GPC6: variants seen among roughly 807,000 people sequenced by gnomAD.
The protein encoded by GPC6 is glypican-6.
In GPC6, 14 loss-of-function variants were observed where a neutral mutation model predicts 55.2. The observed-to-expected ratio is 0.25, with a 90% CI of 0.17 to 0.40. The LOEUF is 0.40. GPC6 is among the 10% of genes least tolerant of loss of function. The pLI, the probability that GPC6 is intolerant of heterozygous loss-of-function variation, is 1.00. For synonymous variants in GPC6, 278 were observed against 259.6 expected, an observed-to-expected ratio of 1.07 and a Z score of -0.68; for missense variants, 641 against 708.5, an observed-to-expected ratio of 0.90 and a Z score of 1.08.
chr13:93,800,586 A>C (rs1281043109), intron 2 of GPC6, among the ~76,000 whole-genome samples: 4 of 152,196 alleles, frequency 2.6e-5, no homozygotes, highest in Non-Finnish European at 5.9e-5. Flanking sequence ...TAGCGCAAAC[A>C]TAAACAGGTT....
At chr13:93,423,391 A>G (rs1877000201) in intron 1 of GPC6, among the ~76,000 whole-genome samples, 1 of 152,328 alleles carries the variant, frequency 6.6e-6, no homozygotes, top group East Asian at 1.9e-4. Context: ...GTCCCTGAAT[A>G]TTGAGTAATA....
At chr13:93,372,484 CA>C (rs1874707595) in intron 1 of GPC6, among the ~76,000 whole-genome samples, 1 of 152,150 alleles carries the variant, frequency 6.6e-6, no homozygotes, top group Admixed American at 6.5e-5. Flanking sequence ...GGTTGTAATT[CA>C]CTGCCATCTA....
At chr13:93,770,550 C>G (rs1407699362) in intron 2 of GPC6, among the ~76,000 whole-genome samples, 3 of 152,138 alleles carry the variant, frequency 2.0e-5, no homozygotes, top group Admixed American at 6.6e-5. Context: ...CTTTCTCTCT[C>G]TGACTCAAAG....
intron 3 of GPC6, among the ~76,000 whole-genome samples, chr13:93,883,074 A>C (rs1260999789): frequency 1.3e-5 from 2 of 151,078 alleles, no homozygotes; most frequent in Admixed American, 6.6e-5. Context: ...AATTTTGTAA[A>C]ATTCCCAATC....
rs574131434 is a variant in GPC6, at chr13:93,227,434, G to T, written c.-23G>T. 1.6e-5 allele frequency: 26 copies of T among 1,612,796 alleles called. No homozygotes were observed. In the South Asian group the frequency reaches 2.9e-4, roughly 18 times the overall value. ...GAGCGCACCGGCCGTGGGGTTTACC[G>T]AGCTGGATTTGTATGTTGCACCATG... On this transcript the variant is annotated 5_prime_UTR_variant, in exon 1 of 9. Transcript: ENST00000377047. This position sits in a 1 kb window ranked among gnomAD's most constrained non-coding sequence, Gnocchi z 4.3.
intron 2 of GPC6, among the ~76,000 whole-genome samples, chr13:93,758,374 G>A (rs1884848403): frequency 6.6e-6 from 1 of 152,036 alleles, no homozygotes; most frequent in Non-Finnish European, 1.5e-5. Flanking sequence ...AATGTATCCA[G>A]GTTTATTTCT....
Position 94,406,627 on chromosome 13 carries a change from T to C in GPC6, c.*3410T>C, listed in dbSNP as rs914188867. ...TAAAGCAAACACATTGAAAATATTA[T>C]TACAGGCAGAACCCTGATTTTTAAT... On this transcript the variant is annotated 3_prime_UTR_variant, in exon 9 of 9. Transcript: ENST00000377047. The C allele has an allele frequency of 1.3e-5, 2 of 152,178 alleles. No individual in the cohort carries two copies. The highest frequency in any genetic ancestry group is 4.8e-5 in the African/African-American group (2 of 41,466). 9.4% of individuals were successfully genotyped at this position (152,178 alleles called of 1,614,324 possible).
At chr13:93,340,026 CTTTTTTTTTTT>C (rs10714044) in intron 1 of GPC6, among the ~76,000 whole-genome samples, 16 of 81,618 alleles carry the variant, frequency 2.0e-4, no homozygotes, top group South Asian at 4.5e-4. Flanking sequence ...AGTTTTCTTT[CTTTTTTTTTTT>C]TTTTTTTTTT....
chr13:93,740,335 G>A (rs892253949), intron 2 of GPC6, among the ~76,000 whole-genome samples: 10 of 152,292 alleles, frequency 6.6e-5, no homozygotes, highest in Non-Finnish European at 1.3e-4. Context: ...TAAACATGTA[G>A]CTGGAACTAA....
chr13:93,766,374 A>G (rs1274404464), intron 2 of GPC6, among the ~76,000 whole-genome samples: 1 of 152,180 alleles, frequency 6.6e-6, no homozygotes. Flanking sequence ...AATCAATTGC[A>G]TTAAATTAAA....
chr13:94,328,938 TTCTGTGTGAGTGTGAAATGTG>T (rs1877270589), intron 6 of GPC6, among the ~76,000 whole-genome samples: 1 of 152,184 alleles, frequency 6.6e-6, no homozygotes, highest in African/African-American at 2.4e-5. Context: ...GACTGTAAGC[TTCTGTGTGAGTGTGAAATGTG>T]TTTGCTGTGA....
chr13:93,510,582 C>T (rs1880917928), intron 1 of GPC6, among the ~76,000 whole-genome samples: 1 of 151,854 alleles, frequency 6.6e-6, no homozygotes, highest in East Asian at 1.9e-4. Flanking sequence ...AGTTTGATTC[C>T]TTATCTTTGC....
At chr13:93,388,662 G>A (rs1035574932) in intron 1 of GPC6, among the ~76,000 whole-genome samples, 2 of 152,148 alleles carry the variant, frequency 1.3e-5, no homozygotes, top group African/African-American at 4.8e-5. Flanking sequence ...ACCTCTGTAA[G>A]GGACATAGTC....
intron 3 of GPC6, among the ~76,000 whole-genome samples, chr13:93,947,930 C>G (rs947109381): frequency 6.6e-6 from 1 of 152,120 alleles, no homozygotes; most frequent in South Asian, 2.1e-4. Context: ...GGCTATTTTT[C>G]ACTTTTCAAT....
chr13:93,631,655 C>T (rs1269907845), intron 2 of GPC6, among the ~76,000 whole-genome samples: 1 of 152,124 alleles, frequency 6.6e-6, no homozygotes, highest in Non-Finnish European at 1.5e-5. Context: ...TCTATATTTT[C>T]CATGAATTTT....
intron 6 of GPC6, among the ~76,000 whole-genome samples, chr13:94,379,342 C>T (rs918284860): frequency 3.9e-5 from 6 of 152,206 alleles, no homozygotes; most frequent in African/African-American, 4.8e-5. Context: ...AATGTTAAAA[C>T]GGCATCTACA....
intron 4 of GPC6, among the ~76,000 whole-genome samples, chr13:94,158,950 G>C (rs1888060081): frequency 6.6e-6 from 1 of 152,022 alleles, no homozygotes; most frequent in South Asian, 2.1e-4. Flanking sequence ...ACCCTACTCT[G>C]TTCCATCCAG....
intron 1 of GPC6, among the ~76,000 whole-genome samples, chr13:93,427,060 C>A (rs1042390628): frequency 1.3e-5 from 2 of 149,196 alleles, no homozygotes; most frequent in Admixed American, 1.3e-4. Flanking sequence ...CTGTTCATGT[C>A]CTTCGCCCAC....
At chr13:93,729,867 G>A (rs1883763649) in intron 2 of GPC6, among the ~76,000 whole-genome samples, 1 of 152,084 alleles carries the variant, frequency 6.6e-6, no homozygotes, top group African/African-American at 2.4e-5. Context: ...CCATATGCAA[G>A]AAGAGAAAAA....
Sources: gnomAD v4.1 joint callset for allele counts (sites outside exome capture counted in the v4.1 genomes callset) on GRCh38, gnomAD v4.1.1 for gene constraint, Gnocchi (gnomAD v3.1) non-coding constraint, MANE v1.5 for transcripts, NCBI Gene and HGNC (gene_info 2026-07-23, HGNC 2026-07-21) for gene names.